Variants in AGMO observed in about 807,000 individuals in gnomAD.
The protein encoded by AGMO is glyceryl-ether monooxygenase.
A neutral mutation model predicts 60.2 loss-of-function variants in AGMO; 75 were observed. The ratio of observed to expected loss-of-function variants is 1.25; its 90% CI spans 1.03 to 1.51. The LOEUF (loss-of-function observed/expected upper bound fraction) is 1.51, where lower values mean the gene tolerates loss of function less well. Ranked by LOEUF, AGMO falls within the 40% of genes most tolerant of loss-of-function variation. The pLI is 0.00. For synonymous variants in AGMO, 261 were observed against 177.1 expected (o/e 1.47, Z -3.76); for missense variants, 763 against 525.5 (o/e 1.45, Z -4.42).
chr7:15,158,801 G>GT, the AGMO span, among the ~76,000 whole-genome samples: 3 of 152,104 alleles, frequency 2.0e-5, no homozygotes, highest in Non-Finnish European at 4.4e-5. Context: ...ATTGTATAAT[G>GT]TATGTCAGGA....
intron 5 of AGMO, chr7:15,396,497 A>T (rs1784390146): frequency 6.6e-6 from 1 of 152,254 alleles, no homozygotes; most frequent in Admixed American, 6.5e-5. Context: ...GGACCCAAAG[A>T]ACGAGCAGCA....
chr7:15,229,727 A>ATATATTATATATTATATTATATATAATAT (rs375461225), intron 12 of AGMO, among the ~76,000 whole-genome samples: 2 of 146,372 alleles, frequency 1.4e-5, no homozygotes, highest in African/African-American at 5.0e-5. Context: ...ATTATATATA[A>ATATATTATATATTATATTATATATAATAT]ATTATATATT....
At chr7:15,250,951 A>ATAT (rs200809464) in intron 12 of AGMO, among the ~76,000 whole-genome samples, 6 of 151,504 alleles carry the variant, frequency 4.0e-5, no homozygotes, top group African/African-American at 1.5e-4. Flanking sequence ...ATCTCAAAAA[A>ATAT]AAAAATATAT....
intron 10 of AGMO, among the ~76,000 whole-genome samples, chr7:15,378,704 A>C (rs967296856): frequency 6.6e-6 from 1 of 151,818 alleles, no homozygotes; most frequent in Admixed American, 6.6e-5. Context: ...TGATAGATAC[A>C]GTCAGAACTC....
At chr7:15,169,031 T>C in the AGMO span, among the ~76,000 whole-genome samples, 22 of 152,338 alleles carry the variant, frequency 1.4e-4, no homozygotes, top group South Asian at 3.9e-3. Flanking sequence ...ATCCCATTTG[T>C]CTATTATTGG....
intron 3 of AGMO, among the ~76,000 whole-genome samples, chr7:15,467,481 G>C (rs1461258092): frequency 6.6e-6 from 1 of 152,134 alleles, no homozygotes; most frequent in Non-Finnish European, 1.5e-5. Context: ...TTCAACTGAA[G>C]ACATTGTAAT....
At chr7:15,197,645 A>G (rs1781153766), downstream of AGMO, among the ~76,000 whole-genome samples, 1 of 152,222 alleles carries the variant, frequency 6.6e-6, no homozygotes. Flanking sequence ...TTTCAGACAT[A>G]TGGCAATCCT....
chr7:15,516,005 A>G (rs1389915991), intron 3 of AGMO, among the ~76,000 whole-genome samples: 1 of 152,172 alleles, frequency 6.6e-6, no homozygotes, highest in East Asian at 1.9e-4. Flanking sequence ...AATAATAAGT[A>G]TGTGAGGTAT....
At chr7:15,207,762 G>A (rs1781477940) in intron 12 of AGMO, among the ~76,000 whole-genome samples, 1 of 151,954 alleles carries the variant, frequency 6.6e-6, no homozygotes, top group South Asian at 2.1e-4. Context: ...GTGAAACCAC[G>A]TCTCTGCTAA....
the AGMO span, among the ~76,000 whole-genome samples, chr7:15,190,092 T>TGCAGCAAACAGCTGTTTGCTTTTTA: frequency 6.0e-4 from 1 of 1,676 alleles, no homozygotes; most frequent in Non-Finnish European, 1.5e-3. Flanking sequence ...TATATATATA[T>TGCAGCAAACAGCTGTTTGCTTTTTA]ATTTATATAT....
At chr7:15,289,830 T>C (rs1033642586) in intron 12 of AGMO, among the ~76,000 whole-genome samples, 1 of 151,462 alleles carries the variant, frequency 6.6e-6, no homozygotes, top group Non-Finnish European at 1.5e-5. Flanking sequence ...AAAAGGTAAA[T>C]AAATGAGTAT....
chr7:15,232,140 A>C (rs1188004616), intron 12 of AGMO, among the ~76,000 whole-genome samples: 1 of 152,124 alleles, frequency 6.6e-6, no homozygotes, highest in Non-Finnish European at 1.5e-5. Context: ...TCAACTATTA[A>C]AGAGATCTTT....
chr7:15,335,159 A>G (rs541820964), intron 12 of AGMO, among the ~76,000 whole-genome samples: 1 of 152,298 alleles, frequency 6.6e-6, no homozygotes, highest in Non-Finnish European at 1.5e-5. Flanking sequence ...TGTAAAATAA[A>G]TCAGCTGAAG....
intron 3 of AGMO, among the ~76,000 whole-genome samples, chr7:15,478,585 T>C (rs1782659409): frequency 2.0e-5 from 3 of 152,112 alleles, no homozygotes; most frequent in Non-Finnish European, 2.9e-5. Flanking sequence ...ATCTTGTCAT[T>C]AGCACAGTCA....
At chr7:15,243,595 A>C (rs1304668122) in intron 12 of AGMO, among the ~76,000 whole-genome samples, 2 of 152,214 alleles carry the variant, frequency 1.3e-5, no homozygotes, top group African/African-American at 2.4e-5. Flanking sequence ...GAAGTTACAC[A>C]GTGATCAAAA....
chr7:15,215,132 C>A (rs1227173419), intron 12 of AGMO, among the ~76,000 whole-genome samples: 1 of 151,992 alleles, frequency 6.6e-6, no homozygotes, highest in African/African-American at 2.4e-5. Flanking sequence ...CAGTGATGAT[C>A]CTCTGCAATA....
intron 5 of AGMO, among the ~76,000 whole-genome samples, chr7:15,408,846 G>A (rs1784768582): frequency 6.6e-6 from 1 of 151,802 alleles, no homozygotes; most frequent in African/African-American, 2.4e-5. Flanking sequence ...TTAGCATAAT[G>A]ACTAACACAT....
Position 15,375,240 on chromosome 7 carries a change from G to C in AGMO, c.1075-9018C>G, listed in dbSNP as rs137883723. 4.0e-3 allele frequency among the ~76,000 whole-genome samples: 602 copies of C among 152,066 alleles called. 6 individuals are homozygous for C. The highest frequency in any genetic ancestry group is 0.017 in the Middle Eastern group (5 of 294). On this transcript the variant is annotated intron_variant, in intron 10 of 12. Coordinates refer to ENST00000342526, the MANE Select transcript of AGMO (RefSeq NM_001004320.2). ...ATTTGCCTCAAGATCAAATTTCCTT[G>C]CACTTTTAATAGGAAACTTTTATTT...
rs1299648158 is a variant in AGMO, at chr7:15,396,640, TGCTGATTGGTCCACTTTACAGAGA to T, written c.610-2485_610-2462del. 82 of 146,176 alleles carry T rather than the reference TGCTGATTGGTCCACTTTACAGAGA, an allele frequency of 5.6e-4. 2 individuals are homozygous for T. The highest frequency in any genetic ancestry group is 3.6e-3 in the Middle Eastern group (1 of 276). The allele number at this position is 146,176 out of a possible 1,614,324, so 9.1% of individuals were successfully genotyped here. On this transcript the variant is annotated intron_variant, in intron 5 of 12. Coordinates refer to ENST00000342526, the MANE Select transcript of AGMO (RefSeq NM_001004320.2). ...GCCCCGCCCCCTCCCCCACACATCC[TGCTGATTGGTCCACTTTACAGAGA>T]GCTGATTGGTCCACTTTACAGAGAG...
Sources: allele counts gnomAD v4.1 joint callset (sites outside exome capture counted in the v4.1 genomes callset), GRCh38; gene constraint gnomAD v4.1.1; transcripts MANE v1.5; gene names NCBI Gene and HGNC (gene_info 2026-07-23, HGNC 2026-07-21).